Variants in BRIP1 observed in about 807,000 individuals in gnomAD.
The protein encoded by BRIP1 is Fanconi anemia group J protein.
BRIP1 carries 88 observed loss-of-function variants against 119.7 expected under a neutral mutation model. The ratio of observed to expected loss-of-function variants is 0.74; its 90% CI spans 0.62 to 0.88. The LOEUF is 0.88. BRIP1 is among the 40% of genes least tolerant of loss of function. The pLI is 0.00. For missense variants in BRIP1, 1,259 were observed against 1,455.4 expected (o/e 0.87, Z 2.20); for synonymous variants, 443 against 496.5 (o/e 0.89, Z 1.43).
At chr17:61,721,776 C>G (rs765914906) in intron 16 of BRIP1, among the ~76,000 whole-genome samples, 6 of 142,164 alleles carry the variant, frequency 4.2e-5, no homozygotes, top group Non-Finnish European at 6.0e-5. Context: ...CAGCTCACTG[C>G]AACCTCCACC....
intron 3 of BRIP1, among the ~76,000 whole-genome samples, chr17:61,859,466 G>C (rs2078943426): frequency 6.6e-6 from 1 of 151,978 alleles, no homozygotes; most frequent in Non-Finnish European, 1.5e-5. Context: ...CAAGTAGCTG[G>C]GACTACAAGT....
chr17:61,706,744 T>A lies in BRIP1; in HGVS notation c.2492+9207A>T, dbSNP rs753524458. On this transcript the variant is annotated intron_variant, in intron 17 of 19. Transcript: ENST00000259008. This position sits in a 1 kb window ranked among gnomAD's most constrained non-coding sequence, Gnocchi z 5.7. The stretch of plus-strand genomic sequence containing the variant: ...GTCACATAGTGCACTATAATTAGAT[T>A]TCCTTTATTGTACAAGACTTTTTGC... Among the ~76,000 whole-genome samples, 7 of 152,208 alleles carry A rather than the reference T, an allele frequency of 4.6e-5. No individual in the cohort carries two copies. The highest frequency in any genetic ancestry group is 1.0e-4 in the Non-Finnish European group (7 of 68,036).
At chr17:61,784,676 T>G (rs1379810756) in intron 10 of BRIP1, among the ~76,000 whole-genome samples, 1 of 152,150 alleles carries the variant, frequency 6.6e-6, no homozygotes, top group Non-Finnish European at 1.5e-5. Flanking sequence ...CCTCCCTAAG[T>G]AGAGAGGGGG....
chr17:61,747,799 G>A (rs2077077822), intron 14 of BRIP1, among the ~76,000 whole-genome samples: 2 of 151,882 alleles, frequency 1.3e-5, no homozygotes, highest in Non-Finnish European at 2.9e-5. Context: ...GTAGTAATGT[G>A]ATCATAGTTC....
rs1415735666 is a variant in BRIP1, at chr17:61,834,032, A to C, written c.627+13069T>G. Among the ~76,000 whole-genome samples, 2 of 152,212 alleles carry C rather than the reference A, an allele frequency of 1.3e-5. No individual in the cohort carries two copies. The highest frequency in any genetic ancestry group is 1.3e-4 in the Admixed American group (2 of 15,286). ...CAGACAATATGTATAAACAAATGTA[A>C]AATGCGTTCAAAAAAACTTTATTTA... On this transcript the variant is annotated intron_variant, in intron 6 of 19. Transcript: ENST00000259008. The surrounding 1 kb of genome is among the most constrained non-coding windows in gnomAD (Gnocchi z 4.4).
In BRIP1 at chr17:61,743,146, G is replaced by C. The variant is rs2144680873; in HGVS notation, c.2258-12C>G. 1.2e-6 allele frequency: 2 copies of C among 1,613,524 alleles called. No individual in the cohort carries two copies. Among genetic ancestry groups the C allele is most frequent in the Non-Finnish European group, 1.7e-6 (2 of 1,179,708 alleles). On this transcript the variant is annotated splice_polypyrimidine_tract_variant and intron_variant, in intron 15 of 19. Coordinates refer to ENST00000259008, the MANE Select transcript of BRIP1 (RefSeq NM_032043.3). This position sits in a 1 kb window ranked among gnomAD's most constrained non-coding sequence, Gnocchi z 4.3. ...CAGGAGAGCTCCATCTTAAACAACA[G>C]AAAAAAGCATATCCAAAATTCTCAG...
chr17:61,845,196 C>T lies in BRIP1; in HGVS notation c.627+1905G>A, dbSNP rs116444001. 3.3e-3 allele frequency among the ~76,000 whole-genome samples: 506 copies of T among 152,222 alleles called. 3 individuals are homozygous for T. The highest frequency in any genetic ancestry group is 4.2e-3 in the Non-Finnish European group (283 of 68,014). On this transcript the variant is annotated intron_variant, in intron 6 of 19. Coordinates refer to ENST00000259008, the MANE Select transcript of BRIP1 (RefSeq NM_032043.3). This position sits in a 1 kb window ranked among gnomAD's most constrained non-coding sequence, Gnocchi z 4.2. The stretch of plus-strand genomic sequence containing the variant: ...TGCAATTTAACAGAAGAAGCTTCTA[C>T]ATAATTTCTCCAACTATTAATATAA...
chr17:61,773,653 A>G (rs956551832), intron 14 of BRIP1, among the ~76,000 whole-genome samples: 1 of 152,018 alleles, frequency 6.6e-6, no homozygotes, highest in Non-Finnish European at 1.5e-5. Context: ...TCCCATCCCT[A>G]CAGAATGGGA....
rs769413097 is a variant in BRIP1 at position 61,716,028 on chromosome 17, T to G, written c.2415A>C (p.Ser805=). Residue 805 remains serine (S), a synonymous_variant, in exon 17 of 20, where the codon TCA becomes TCC. Coordinates refer to ENST00000259008, the MANE Select transcript of BRIP1 (RefSeq NM_032043.3). ...ELKRQYNDHH[S]KLRGLLPGRQ... ...GGCCAGGTAGAAGACCTCTCAATTT[T>G]GAATGGTGGTCATTGTATTGTCGTT... The G allele has an allele frequency of 1.2e-6, 2 of 1,607,170 alleles. No individual in the cohort carries two copies. Among genetic ancestry groups the G allele is most frequent in the South Asian group, 1.1e-5 (1 of 89,466 alleles).
intron 4 of BRIP1, among the ~76,000 whole-genome samples, chr17:61,850,227 T>C (rs190428818): frequency 6.6e-6 from 1 of 151,704 alleles, no homozygotes; most frequent in African/African-American, 2.4e-5. Context: ...CTCAGCCTCC[T>C]GAGTAGCTGG....
Position 61,807,881 on chromosome 17 carries a change from A to C in BRIP1, c.918+586T>G, listed in dbSNP as rs1023032270. On this transcript the variant is annotated intron_variant, in intron 7 of 19. Transcript: ENST00000259008. This position sits in a 1 kb window ranked among gnomAD's most constrained non-coding sequence, Gnocchi z 4.5. ...TAGTAAGAAAGAATTCTCTATTTCC[A>C]CCAAGCCCAAATTCATATTATTCTA... is the stretch of plus-strand genomic sequence containing the variant. 7.9e-5 allele frequency among the ~76,000 whole-genome samples: 12 copies of C among 152,248 alleles called. No individual in the cohort carries two copies. Among genetic ancestry groups the C allele is most frequent in the Non-Finnish European group, 1.8e-4 (12 of 67,992 alleles).
chr17:61,733,144 C>T (rs569033031), intron 16 of BRIP1, among the ~76,000 whole-genome samples: 14 of 152,234 alleles, frequency 9.2e-5, no homozygotes, highest in African/African-American at 2.6e-4. Context: ...TTCATTTTCT[C>T]GTGAATATTC....
At position 61,808,301 on chromosome 17, in the gene BRIP1, T is replaced by G. The variant is rs2078102965; in HGVS notation, c.918+166A>C. ...CAAATCCCATACTTTAAAACTTGAC[T>G]AAAGATTTTATTACAGGAAAATTGT... is the stretch of plus-strand genomic sequence containing the variant. On this transcript the variant is annotated intron_variant, in intron 7 of 19. Transcript: ENST00000259008. This position sits in a 1 kb window ranked among gnomAD's most constrained non-coding sequence, Gnocchi z 4.1. 6.6e-6 allele frequency among the ~76,000 whole-genome samples: 1 copy of G among 152,208 alleles called. No homozygotes were observed. The highest frequency in any genetic ancestry group is 1.9e-4 in the East Asian group (1 of 5,208).
At chr17:61,835,690 T>C (rs895034107) in intron 6 of BRIP1, among the ~76,000 whole-genome samples, 1 of 150,552 alleles carries the variant, frequency 6.6e-6, no homozygotes, top group African/African-American at 2.4e-5. Flanking sequence ...TTTTCACACA[T>C]ACTGTTAAAA....
chr17:61,766,897 C>A (rs2077381557), intron 14 of BRIP1, among the ~76,000 whole-genome samples: 1 of 152,026 alleles, frequency 6.6e-6, no homozygotes, highest in Non-Finnish European at 1.5e-5. Flanking sequence ...ACAGAAACTT[C>A]TCTGTCCATA....
Position 61,855,543 on chromosome 17 carries a change from C to T in BRIP1, c.379+1515G>A, listed in dbSNP as rs1567873401. On this transcript the variant is annotated intron_variant, in intron 4 of 19. Transcript: ENST00000259008. Reference sequence around the variant, plus strand: ...GCAGTGGGCCAAGGTCACACCACTGCACTCCAGCCTGGGCAACAGAGTGAG... The same window carrying T: ...GCAGTGGGCCAAGGTCACACCACTGTACTCCAGCCTGGGCAACAGAGTGAG... Among the ~76,000 whole-genome samples the T allele has an allele frequency of 2.7e-5, 4 of 146,152 alleles. No homozygotes were observed. The Admixed American group carries it at 2.8e-4, about 10-fold the overall frequency.
chr17:61,711,118 T>G (rs1567751796), intron 17 of BRIP1, among the ~76,000 whole-genome samples: 1 of 150,606 alleles, frequency 6.6e-6, no homozygotes, highest in African/African-American at 2.4e-5. Context: ...AGTAGCAACA[T>G]GCATTGCTAC....
rs947306325 is a variant in BRIP1 at position 61,846,244 on chromosome 17, A to G, written c.627+857T>C. On this transcript the variant is annotated intron_variant, in intron 6 of 19. Transcript: ENST00000259008. This position sits in a 1 kb window ranked among gnomAD's most constrained non-coding sequence, Gnocchi z 4.3. ...ATACATATAGAGAGAGAGAGAGAGA[A>G]AAAGAGAGAGAGAGAGAAAGAGAGA... Among the ~76,000 whole-genome samples, 30 of 124,026 alleles carry G rather than the reference A, an allele frequency of 2.4e-4. No individual in the cohort carries two copies. The highest frequency in any genetic ancestry group is 9.7e-4 in the East Asian group (5 of 5,130). 81.4% of individuals were successfully genotyped at this position (124,026 alleles called of 152,430 possible). A position where few individuals can be genotyped will look rare whatever the true frequency, so the allele number is the denominator to read the frequency against.
chr17:61,691,845 G>A lies in BRIP1; in HGVS notation c.2575+1585C>T, dbSNP rs139565033. 1.4e-3 allele frequency among the ~76,000 whole-genome samples: 208 copies of A among 152,238 alleles called. 9 individuals carry two copies. In the East Asian group the frequency reaches 0.031, roughly 23 times the overall value. The stretch of plus-strand genomic sequence containing the variant: ...AAAAGCTGCAGGCATCATACCTCCC[G>A]ATTATAAAATACATTACACAGCTGT... On this transcript the variant is annotated intron_variant, in intron 18 of 19. Transcript: ENST00000259008. The surrounding 1 kb of genome is among the most constrained non-coding windows in gnomAD (Gnocchi z 5.0).
Sources: gnomAD v4.1 joint callset for allele counts (sites outside exome capture counted in the v4.1 genomes callset) on GRCh38, gnomAD v4.1.1 for gene constraint, Gnocchi (gnomAD v3.1) non-coding constraint, MANE v1.5 for transcripts, NCBI Gene and HGNC (gene_info 2026-07-23, HGNC 2026-07-21) for gene names.